DVL1: variants seen among roughly 807,000 people sequenced by gnomAD.
The protein encoded by DVL1 is dishevelled segment polarity protein 1.
In DVL1, 49 loss-of-function variants were observed where a neutral mutation model predicts 65.0. That is an observed-to-expected ratio of 0.75 (90% CI 0.60 to 0.96). The LOEUF is 0.96. DVL1 is among the 40% of genes least tolerant of loss of function. The pLI is 0.00. For missense variants in DVL1, 1,197 were observed against 1,045.4 expected (o/e 1.15, Z -2.00); for synonymous variants, 608 against 433.9 (o/e 1.40, Z -4.99).
Position 1,336,380 on chromosome 1 carries a change from C to A in DVL1, c.1850G>T (p.Arg617Leu), listed in dbSNP as rs140108185. 7.5e-6 allele frequency: 12 copies of A among 1,598,410 alleles called. No individual in the cohort carries two copies. The South Asian group carries it at 1.3e-4, about 18-fold the overall frequency. ...GCTGAGCTGGCCGGCCGGACGCTCT[C>A]GCCAGCTGCTCCCCACCCCACTCGG... is the stretch of plus-strand genomic sequence containing the variant. ...TAPSGVGSSW[R>L]ERPAGQLSRG... The change falls in exon 15 of 15, where the codon CGA (arginine) becomes CTA (leucine). Residue 617 changes from arginine to leucine, a missense_variant. Coordinates refer to ENST00000378888, the MANE Select transcript of DVL1 (RefSeq NM_001330311.2).
intron 5 of DVL1, 81 bp downstream of exon 5, chr1:1,341,586 T>C: frequency 8.3e-7 from 1 of 1,211,634 alleles, no homozygotes; most frequent in Non-Finnish European, 1.1e-6. Flanking sequence ...TGAAAACACC[T>C]CATGCAGACA....
chr1:1,344,054 G>C (rs564287079), intron 1 of DVL1, among the ~76,000 whole-genome samples: 1 of 152,136 alleles, frequency 6.6e-6, no homozygotes, highest in Non-Finnish European at 1.5e-5. Context: ...ACACGGCACA[G>C]AGGGGATGGC....
In DVL1 at chr1:1,339,409, G is replaced by T; in HGVS notation, c.1085C>A (p.Ala362Asp). ...ADPVRPIDPA[A>D]WLSHTAALTG... is the part of the protein sequence containing the mutation. The stretch of plus-strand genomic sequence containing the variant: ...CAGTGCCGCCGTGTGGGACAGCCAG[G>T]CGGCGGGGTCGATGGGCCGCACCGG... Residue 362 changes from alanine (A) to aspartate (D), a missense_variant, in exon 11 of 15, where the codon GCC (alanine) becomes GAC (aspartate). Coordinates refer to ENST00000378888, the MANE Select transcript of DVL1 (RefSeq NM_001330311.2). 1 of 1,549,028 alleles carries T rather than the reference G, an allele frequency of 6.5e-7. No individual in the cohort carries two copies. The highest frequency in any genetic ancestry group is 8.7e-7 in the Non-Finnish European group (1 of 1,146,604).
Position 1,336,020 on chromosome 1 carries a change from TCCAGCCTGCCCCCCAC to T in DVL1, c.*106_*121del. ...AGGCTGCCAGGGCAGATGGTGGTGG[TCCAGCCTGCCCCCCAC>T]CCTGCCTCCCGTCCTGGCCCCCACG... On this transcript the variant is annotated 3_prime_UTR_variant, in exon 15 of 15. Transcript: ENST00000378888. 7.5e-7 allele frequency: 1 copy of T among 1,335,192 alleles called. No individual in the cohort carries two copies. The highest frequency in any genetic ancestry group is 1.0e-6 in the Non-Finnish European group (1 of 988,418). The allele number at this position is 1,335,192 out of a possible 1,614,324, so 82.7% of individuals were successfully genotyped here.
Position 1,339,654 on chromosome 1 carries a change from AG to A in DVL1, c.987-6del, listed in dbSNP as rs778343180. The A allele has an allele frequency of 6.2e-7, 1 of 1,611,390 alleles. No homozygotes were observed. Among genetic ancestry groups the A allele is most frequent in the East Asian group, 2.2e-5 (1 of 44,838 alleles). On this transcript the variant is annotated splice_polypyrimidine_tract_variant and splice_region_variant and intron_variant, in intron 9 of 14. Coordinates refer to ENST00000378888, the MANE Select transcript of DVL1 (RefSeq NM_001330311.2). ...GCCACAGTGAGGCTGATGGGCCTGC[AG>A]GAACGGTGGTCACACAGCAAGGCCC...
intron 2 of DVL1, 23 bp downstream of exon 2, chr1:1,342,666 G>A (rs370500222): frequency 6.6e-5 from 106 of 1,611,722 alleles, no homozygotes; most frequent in Non-Finnish European, 5.8e-5. Context: ...GCGAGCCTTC[G>A]GGGCCAAGAC....
In DVL1 at chr1:1,339,928, C is replaced by T. The variant is rs538069776; in HGVS notation, c.909+110G>A. The T allele has an allele frequency of 4.3e-3, 6,663 of 1,550,168 alleles. 22 individuals carry two copies. Among genetic ancestry groups the T allele is most frequent in the Non-Finnish European group, 5.2e-3 (5,997 of 1,149,806 alleles). ...CAGCCCCCGCAGACCCACCCGCAGC[C>T]GCATGTCCCCCAGCAGCCCCTACAG... On this transcript the variant is annotated intron_variant, in intron 8 of 14. Transcript: ENST00000378888.
intron 13 of DVL1, 40 bp downstream of exon 13, chr1:1,338,229 T>TTCCCCCC: frequency 2.0e-6 from 3 of 1,522,368 alleles, no homozygotes; most frequent in South Asian, 1.2e-5. Context: ...CCTCCGGCGT[T>TTCCCCCC]CCCCTCCCCC....
intron 1 of DVL1, among the ~76,000 whole-genome samples, chr1:1,345,947 C>T (rs888720256): frequency 5.3e-5 from 8 of 152,148 alleles, no homozygotes; most frequent in African/African-American, 1.9e-4. Flanking sequence ...CTGGGTGGTG[C>T]CGAGTCCTGG....
At chr1:1,341,585 C>T in intron 5 of DVL1, 82 bp downstream of exon 5, 2 of 1,267,302 alleles carry the variant, frequency 1.6e-6, no homozygotes, top group Non-Finnish European at 2.1e-6. Context: ...GTGAAAACAC[C>T]TCATGCAGAC....
Position 1,342,701 on chromosome 1 carries a change from G to A in DVL1, c.228C>T (p.Arg76=), listed in dbSNP as rs907270030. Residue 76 remains arginine, a synonymous_variant, in exon 2 of 15, where the codon CGC becomes CGT. Transcript: ENST00000378888. ...CACAGGGGCTCACCCAGGAGACCAC[G>A]CGGCCGTTGAAGCAGGGAAGCTTGG... The part of the protein sequence containing the change: ...DNAKLPCFNG[R]VVSWLVLAEG... The A allele has an allele frequency of 6.2e-6, 10 of 1,612,894 alleles. No homozygotes were observed. The highest frequency in any genetic ancestry group is 1.3e-5 in the African/African-American group (1 of 74,910).
intron 5 of DVL1, 114 bp from the exon 6 acceptor site, chr1:1,340,617 C>A: frequency 8.6e-7 from 1 of 1,164,112 alleles, no homozygotes; most frequent in South Asian, 1.4e-5. Context: ...TGTTCCAAAG[C>A]AGGCTCAGTG....
chr1:1,341,417 G>A (rs2100745015), intron 5 of DVL1, among the ~76,000 whole-genome samples: 1 of 151,866 alleles, frequency 6.6e-6, no homozygotes, highest in East Asian at 1.9e-4. Context: ...AAGCAGACAC[G>A]TGCATCATGT....
chr1:1,341,207 ACACACG>A lies in DVL1; in HGVS notation c.605+454_605+459del, dbSNP rs373717039. On this transcript the variant is annotated intron_variant, in intron 5 of 14. Coordinates refer to ENST00000378888, the MANE Select transcript of DVL1 (RefSeq NM_001330311.2). ...CGCACATCTGCACACGCACACCTGC[ACACACG>A]CACACGCACACATGCACACACCTGC... Among the ~76,000 whole-genome samples the A allele has an allele frequency of 2.2e-3, 326 of 151,054 alleles. 2 individuals are homozygous for A. The highest frequency in any genetic ancestry group is 3.7e-3 in the South Asian group (18 of 4,802).
chr1:1,336,291 T>G lies in DVL1; in HGVS notation c.1939A>C (p.Thr647Pro), dbSNP rs376852453. Residue 647 changes from threonine (T) to proline (P), a missense_variant, in exon 15 of 15, where the codon ACG becomes CCG. Coordinates refer to ENST00000378888, the MANE Select transcript of DVL1 (RefSeq NM_001330311.2). ...CCCACCACTGTATAGGCCTTGGTCGTGGGGTGGGGCGGGGGGAGCCCCGGG... is the reference window on the plus strand; with the variant it reads ...CCCACCACTGTATAGGCCTTGGTCGGGGGGTGGGGCGGGGGGAGCCCCGGG... ...TAPGLPPPHP[T>P]TKAYTVVGGP... 5.1e-6 allele frequency: 8 copies of G among 1,561,928 alleles called. No homozygotes were observed. In the African/African-American group the frequency reaches 8.1e-5, roughly 16 times the overall value.
intron 13 of DVL1, 40 bp downstream of exon 13, chr1:1,338,229 T>TGGCCCGCC: frequency 1.3e-6 from 2 of 1,522,370 alleles, no homozygotes; most frequent in Non-Finnish European, 1.8e-6. Context: ...CCTCCGGCGT[T>TGGCCCGCC]CCCCTCCCCC....
At chr1:1,341,274 ACT>A (rs1491393567) in intron 5 of DVL1, among the ~76,000 whole-genome samples, 1 of 152,064 alleles carries the variant, frequency 6.6e-6, no homozygotes. Flanking sequence ...TCACGTGCAC[ACT>A]GTGAAAACGC....
intron 4 of DVL1, 49 bp downstream of exon 4, chr1:1,342,004 G>A (rs1160370197): frequency 3.3e-5 from 49 of 1,500,396 alleles, no homozygotes; most frequent in Non-Finnish European, 4.3e-5. Flanking sequence ...GCTCATGGGG[G>A]TCCCAGGGAG....
At chr1:1,346,174 A>ACTCCATAGCTCCCCAC (rs1364203524) in intron 1 of DVL1, among the ~76,000 whole-genome samples, 9 of 151,658 alleles carry the variant, frequency 5.9e-5, no homozygotes, top group Non-Finnish European at 1.3e-4. Context: ...AGCCTCCCCA[A>ACTCCATAGCTCCCCAC]CTCCATAGCT....
Sources: gnomAD v4.1 joint callset for allele counts (sites outside exome capture counted in the v4.1 genomes callset) on GRCh38, gnomAD v4.1.1 for gene constraint, MANE v1.5 for transcripts, NCBI Gene and HGNC (gene_info 2026-07-23, HGNC 2026-07-21) for gene names.